Variants in MALRD1 observed in about 807,000 individuals in gnomAD.
MALRD1 encodes the protein MAM and LDL-receptor class A domain-containing protein 1.
Under a neutral mutation model 242.1 loss-of-function variants are expected in MALRD1, and 247 were observed. The observed-to-expected ratio is 1.02, with a 90% CI of 0.92 to 1.13. The LOEUF (loss-of-function observed/expected upper bound fraction) is 1.13, where lower values mean the gene tolerates loss of function less well. Among genes scored for constraint, MALRD1 ranks in the 50% most tolerant of loss-of-function variants. The probability of loss-of-function intolerance (pLI) is 0.00; values close to 1 mark genes in which losing one functional copy is unlikely to be tolerated. For synonymous variants in MALRD1, 995 were observed against 866.6 expected, an observed-to-expected ratio of 1.15 and a Z score of -2.60; for missense variants, 2,989 against 2,533.1, an observed-to-expected ratio of 1.18 and a Z score of -3.86.
At chr10:19,575,623 A>T (rs750800656) in intron 33 of MALRD1, among the ~76,000 whole-genome samples, 21 of 152,186 alleles carry the variant, frequency 1.4e-4, no homozygotes, top group Non-Finnish European at 2.6e-4. Context: ...GAAGGCCTCA[A>T]AAATCTCTTG....
intron 28 of MALRD1, among the ~76,000 whole-genome samples, chr10:19,427,795 A>T (rs756857733): frequency 6.6e-6 from 1 of 152,110 alleles, no homozygotes; most frequent in Non-Finnish European, 1.5e-5. Flanking sequence ...TACCTACATG[A>T]GGGCTAAAAG....
At chr10:19,599,214 A>G (rs1324904989) in intron 34 of MALRD1, among the ~76,000 whole-genome samples, 1 of 152,126 alleles carries the variant, frequency 6.6e-6, no homozygotes, top group Admixed American at 6.6e-5. Context: ...AGGACTAAGG[A>G]TTTGGAGACG....
intron 5 of MALRD1, among the ~76,000 whole-genome samples, chr10:19,112,171 T>A (rs1487916062): frequency 7.2e-6 from 1 of 139,184 alleles, no homozygotes; most frequent in Non-Finnish European, 1.6e-5. Context: ...TTTTTTTTTA[T>A]GAAGCCAGTA....
intron 26 of MALRD1, among the ~76,000 whole-genome samples, chr10:19,373,663 G>C (rs1845483832): frequency 6.6e-6 from 1 of 152,114 alleles, no homozygotes; most frequent in African/African-American, 2.4e-5. Context: ...TTGTCATTAA[G>C]TTTCTCACAC....
intron 24 of MALRD1, among the ~76,000 whole-genome samples, chr10:19,345,461 T>C (rs10827295): frequency 0.55 from 83,429 of 151,902 alleles, 23,160 homozygotes; most frequent in Middle Eastern, 0.59. Context: ...GGGTTCATTA[T>C]TATTTTCCTG....
chr10:19,347,886 G>A lies in MALRD1; in HGVS notation c.4017G>A (p.Glu1339=). ...GCAGCATCCCTGCAGCAGGCACAGA[G>A]CCAGCAGCAGATCACACTTTGGGAA... ...KASSIPAAGT[E]PAADHTLGNS... The change falls in exon 25 of 40, where the codon GAG becomes GAA. Residue 1339 remains glutamate (E), a synonymous_variant. Coordinates refer to ENST00000454679, the MANE Select transcript of MALRD1 (RefSeq NM_001142308.3). The A allele has an allele frequency of 6.4e-7, 1 of 1,550,406 alleles. No individual in the cohort carries two copies. The highest frequency in any genetic ancestry group is 8.7e-7 in the Non-Finnish European group (1 of 1,146,850).
At chr10:19,551,860 G>T (rs1179895356) in intron 32 of MALRD1, among the ~76,000 whole-genome samples, 2 of 152,030 alleles carry the variant, frequency 1.3e-5, no homozygotes, top group Non-Finnish European at 1.5e-5. Flanking sequence ...TGTGGTTTTT[G>T]TCTTTAGTTT....
chr10:19,115,613 C>G (rs1836844167), intron 5 of MALRD1, among the ~76,000 whole-genome samples: 2 of 151,866 alleles, frequency 1.3e-5, no homozygotes, highest in African/African-American at 4.8e-5. Flanking sequence ...GAAAATGAAA[C>G]TATTATTTTA....
intron 10 of MALRD1, among the ~76,000 whole-genome samples, chr10:19,143,851 G>C (rs1298069882): frequency 6.6e-6 from 1 of 152,188 alleles, no homozygotes; most frequent in African/African-American, 2.4e-5. Context: ...AGAGAACCGA[G>C]GGATTAGACC....
At chr10:19,196,151 TTC>T (rs764920396) in intron 14 of MALRD1, among the ~76,000 whole-genome samples, 4 of 152,214 alleles carry the variant, frequency 2.6e-5, no homozygotes, top group Non-Finnish European at 5.9e-5. Context: ...CTGAAAGTTC[TTC>T]TGTCTACCAG....
chr10:19,242,261 C>A (rs1479143165), intron 18 of MALRD1, among the ~76,000 whole-genome samples: 1 of 152,104 alleles, frequency 6.6e-6, no homozygotes, highest in East Asian at 1.9e-4. Flanking sequence ...TCTTGTTAGA[C>A]GTATTCACTA....
At chr10:19,440,346 CT>C (rs985269949) in intron 28 of MALRD1, among the ~76,000 whole-genome samples, 8 of 151,078 alleles carry the variant, frequency 5.3e-5, no homozygotes, top group East Asian at 3.9e-4. Context: ...AAAACCCATT[CT>C]TTTTTTTTAT....
At chr10:19,660,054 G>A (rs1841356182) in intron 36 of MALRD1, among the ~76,000 whole-genome samples, 1 of 152,142 alleles carries the variant, frequency 6.6e-6, no homozygotes, top group Non-Finnish European at 1.5e-5. Context: ...TTTGGGCCGT[G>A]TTTCTCTCTG....
At chr10:19,645,558 A>G (rs1291383345) in intron 36 of MALRD1, among the ~76,000 whole-genome samples, 2 of 152,324 alleles carry the variant, frequency 1.3e-5, no homozygotes, top group Non-Finnish European at 2.9e-5. Context: ...ATAAAAAATG[A>G]TGAGTTCATG....
At chr10:19,128,433 G>A (rs1372949694) in intron 8 of MALRD1, 46 bp downstream of exon 8, 6 of 1,189,578 alleles carry the variant, frequency 5.0e-6, no homozygotes, top group Non-Finnish European at 5.3e-6. Flanking sequence ...AATCAATGAA[G>A]TTTCTAACTC....
intron 14 of MALRD1, among the ~76,000 whole-genome samples, chr10:19,177,480 A>G (rs1235365332): frequency 3.3e-5 from 5 of 152,108 alleles, no homozygotes; most frequent in Admixed American, 2.0e-4. Context: ...AGGTGTGACA[A>G]AAACCTTTCT....
intron 36 of MALRD1, among the ~76,000 whole-genome samples, chr10:19,621,997 G>A (rs1839423740): frequency 6.6e-6 from 1 of 151,756 alleles, no homozygotes; most frequent in Non-Finnish European, 1.5e-5. Context: ...TATGGAAAAT[G>A]TAAATTGATG....
rs144641093 is a variant in MALRD1 at position 19,485,754 on chromosome 10, G to A, written c.5030-5763G>A. On this transcript the variant is annotated intron_variant, in intron 29 of 39. Transcript: ENST00000454679. ...AAGCCCTAAAAGAGACAAATCCATCGATACATTTTTATACCCAATAATGGC... is the reference window on the plus strand; with the variant it reads ...AAGCCCTAAAAGAGACAAATCCATCAATACATTTTTATACCCAATAATGGC... 1.9e-3 allele frequency among the ~76,000 whole-genome samples: 282 copies of A among 151,896 alleles called. 1 individual carries two copies. Among genetic ancestry groups the A allele is most frequent in the African/African-American group, 5.7e-3 (236 of 41,458 alleles).
chr10:19,540,647 T>C (rs1834924754), intron 32 of MALRD1, among the ~76,000 whole-genome samples: 1 of 152,150 alleles, frequency 6.6e-6, no homozygotes, highest in Admixed American at 6.6e-5. Flanking sequence ...GAGATGTTAC[T>C]ATATAGACGA....
Sources: gnomAD v4.1 joint callset for allele counts (sites outside exome capture counted in the v4.1 genomes callset) on GRCh38, gnomAD v4.1.1 for gene constraint, MANE v1.5 for transcripts, NCBI Gene and HGNC (gene_info 2026-07-23, HGNC 2026-07-21) for gene names.